Variants in ACAP2 observed in about 807,000 individuals in gnomAD.
The protein encoded by ACAP2 is ArfGAP with coiled-coil, ankyrin repeat and PH domains 2.
Under a neutral mutation model 115.8 loss-of-function variants are expected in ACAP2, and 39 were observed. The observed-to-expected ratio is 0.34, with a 90% CI of 0.26 to 0.44. The LOEUF is 0.44. Among genes scored for constraint, ACAP2 ranks in the 20% least tolerant of loss-of-function variants. The pLI is 1.00. For synonymous variants in ACAP2, 289 were observed against 315.8 expected, an observed-to-expected ratio of 0.92 and a Z score of 0.90; for missense variants, 662 against 927.6, an observed-to-expected ratio of 0.71 and a Z score of 3.72.
At chr3:195,282,566 A>C (rs1432038654) in intron 22 of ACAP2, 3 of 152,242 alleles carry the variant, frequency 2.0e-5, no homozygotes, top group Non-Finnish European at 4.4e-5. Context: ...TTTAATATTT[A>C]AATATAATTT....
intron 9 of ACAP2, among the ~76,000 whole-genome samples, chr3:195,325,672 T>A (rs1729747649): frequency 6.6e-6 from 1 of 152,096 alleles, no homozygotes; most frequent in African/African-American, 2.4e-5. Flanking sequence ...ATTAAGTAAT[T>A]CAATTTAAGG....
intron 4 of ACAP2, among the ~76,000 whole-genome samples, chr3:195,357,154 C>T (rs1732027688): frequency 6.6e-6 from 1 of 151,862 alleles, no homozygotes; most frequent in African/African-American, 2.4e-5. Context: ...GCCCTTGGGC[C>T]TTAAGTGAAC....
Position 195,301,592 on chromosome 3 carries a change from C to T in ACAP2, c.1378G>A (p.Glu460Lys). Residue 460 changes from glutamate (E) to lysine (K), a missense_variant, in exon 15 of 23, where the codon GAG (glutamate) becomes AAG (lysine). Physicochemically the swap from Glu to Lys is moderately conservative, Grantham distance 56 (BLOSUM62 1). Coordinates refer to ENST00000326793, the MANE Select transcript of ACAP2 (RefSeq NM_012287.6). Reference sequence around the variant, plus strand: ...TTTTTTACCTTTAAAAGTTCTGGCTCCCAGGTGTCTAAAGTTAAAGATCGT... The same window carrying T: ...TTTTTTACCTTTAAAAGTTCTGGCTTCCAGGTGTCTAAAGTTAAAGATCGT... ...KVRSLTLDTWEPELLKLMCEL... is the reference protein window; with the variant it reads ...KVRSLTLDTWKPELLKLMCEL... 6.2e-7 allele frequency: 1 copy of T among 1,612,380 alleles called. No individual in the cohort carries two copies. Among genetic ancestry groups the T allele is most frequent in the Non-Finnish European group, 8.5e-7 (1 of 1,179,602 alleles).
At chr3:195,342,413 G>A (rs932791470) in intron 6 of ACAP2, 58 bp downstream of exon 6, 2 of 1,472,466 alleles carry the variant, frequency 1.4e-6, no homozygotes, top group Admixed American at 2.4e-5. Context: ...TCACTCAAAA[G>A]TAACAACCTG....
In ACAP2 at chr3:195,302,229, G is replaced by A. The variant is rs1206293173; in HGVS notation, c.1117-55C>T. 5 of 1,484,372 alleles carry A rather than the reference G, an allele frequency of 3.4e-6. No homozygotes were observed. In the African/African-American group the frequency reaches 5.6e-5, roughly 17 times the overall value. The allele number at this position is 1,484,372 out of a possible 1,614,324, so 92.0% of individuals were successfully genotyped here. Reference sequence around the variant, plus strand: ...AAAAAAAAAAAGATTGAAATACTTTGTTGCACACTACATGCTCCAAACTAA... The same window carrying A: ...AAAAAAAAAAAGATTGAAATACTTTATTGCACACTACATGCTCCAAACTAA... On this transcript the variant is annotated intron_variant, in intron 13 of 22. Transcript: ENST00000326793.
intron 11 of ACAP2, among the ~76,000 whole-genome samples, chr3:195,307,985 A>C (rs1299708017): frequency 6.6e-6 from 1 of 152,144 alleles, no homozygotes; most frequent in Non-Finnish European, 1.5e-5. Flanking sequence ...AACTAGGTGA[A>C]AAGCAAGTTA....
In ACAP2 at chr3:195,336,981, G is replaced by C. The variant is rs1461902916; in HGVS notation, c.529-5C>G. On this transcript the variant is annotated splice_polypyrimidine_tract_variant and splice_region_variant and intron_variant, in intron 6 of 22. Transcript: ENST00000326793. ...TTTTGATTGAAGAACATTAATCTGA[G>C]GGAAAACACACGTGGTTAATCACCC... 1 of 1,609,556 alleles carries C rather than the reference G, an allele frequency of 6.2e-7. No homozygotes were observed. Among genetic ancestry groups the C allele is most frequent in the Non-Finnish European group, 8.5e-7 (1 of 1,177,778 alleles).
intron 1 of ACAP2, among the ~76,000 whole-genome samples, chr3:195,437,929 CTA>C (rs2108875293): frequency 8.7e-6 from 1 of 115,138 alleles, no homozygotes; most frequent in East Asian, 2.9e-4. Context: ...GACAAGGTCT[CTA>C]TGTTGCCCAG....
intron 20 of ACAP2, among the ~76,000 whole-genome samples, chr3:195,290,305 T>A (rs1164604241): frequency 6.6e-6 from 1 of 152,076 alleles, no homozygotes; most frequent in African/African-American, 2.4e-5. Flanking sequence ...AATTCAAGGC[T>A]GTAGTGAGCT....
Position 195,314,206 on chromosome 3 carries a change from T to G in ACAP2, c.858-5369A>C, listed in dbSNP as rs536053500. ...GAGGAAGAAAATTTTGTTGTTTTTT[T>G]TTTTTTTAATTTTTGTGGGTACATA... On this transcript the variant is annotated intron_variant, in intron 10 of 22. Transcript: ENST00000326793. Among the ~76,000 whole-genome samples, 396 of 152,156 alleles carry G rather than the reference T, an allele frequency of 2.6e-3. 4 individuals are homozygous for G. Among genetic ancestry groups the G allele is most frequent in the African/African-American group, 7.9e-3 (329 of 41,544 alleles).
chr3:195,295,527 T>C (rs1235741323), intron 17 of ACAP2, 181 bp downstream of exon 17: 1 of 698,870 alleles, frequency 1.4e-6, no homozygotes, highest in Non-Finnish European at 2.4e-6. Context: ...AGGTGAAATA[T>C]TATGGCATTG....
chr3:195,380,979 T>C, intron 4 of ACAP2, 30 bp downstream of exon 4: 1 of 1,539,318 alleles, frequency 6.5e-7, no homozygotes, highest in Non-Finnish European at 8.8e-7. Context: ...GTTAATATGG[T>C]CATAGTAACA....
chr3:195,322,580 C>T (rs1301947939), intron 9 of ACAP2, among the ~76,000 whole-genome samples: 1 of 152,066 alleles, frequency 6.6e-6, no homozygotes, highest in East Asian at 1.9e-4. Flanking sequence ...TGCTACATTG[C>T]TTCCTACTTT....
intron 1 of ACAP2, among the ~76,000 whole-genome samples, chr3:195,405,139 G>A (rs1175960326): frequency 1.3e-5 from 2 of 151,850 alleles, no homozygotes; most frequent in Non-Finnish European, 2.9e-5. Flanking sequence ...ACAAATACAA[G>A]GACTGCTAAT....
intron 4 of ACAP2, among the ~76,000 whole-genome samples, chr3:195,372,775 C>T (rs1278090501): frequency 6.6e-6 from 1 of 152,096 alleles, no homozygotes; most frequent in Non-Finnish European, 1.5e-5. Flanking sequence ...GATCATACCA[C>T]TGTACTCCAG....
intron 1 of ACAP2, among the ~76,000 whole-genome samples, chr3:195,431,433 TTTAAC>T (rs1715113988): frequency 6.6e-6 from 1 of 151,726 alleles, no homozygotes; most frequent in South Asian, 2.1e-4. Flanking sequence ...TAACTCTATG[TTTAAC>T]TTTTCTTTTT....
chr3:195,339,622 A>G (rs1043392688), intron 6 of ACAP2, among the ~76,000 whole-genome samples: 9 of 152,034 alleles, frequency 5.9e-5, no homozygotes, highest in African/African-American at 9.7e-5. Context: ...TACTCTCTAA[A>G]GTAGACATAA....
At chr3:195,422,463 T>C (rs960659932) in intron 1 of ACAP2, among the ~76,000 whole-genome samples, 1 of 152,152 alleles carries the variant, frequency 6.6e-6, no homozygotes, top group African/African-American at 2.4e-5. Flanking sequence ...CTAAAATATT[T>C]TGCCTGAAAA....
At chr3:195,281,092 A>G (rs990204617) in intron 22 of ACAP2, among the ~76,000 whole-genome samples, 1 of 152,212 alleles carries the variant, frequency 6.6e-6, no homozygotes, top group South Asian at 2.1e-4. Context: ...GCATAAGCCA[A>G]GATTTTGAAT....
Sources: allele counts gnomAD v4.1 joint callset (sites outside exome capture counted in the v4.1 genomes callset), GRCh38; gene constraint gnomAD v4.1.1; transcripts MANE v1.5; gene names NCBI Gene and HGNC (gene_info 2026-07-23, HGNC 2026-07-21).